ROBO2: variants seen among roughly 807,000 people sequenced by gnomAD.
ROBO2 encodes roundabout homolog 2.
In ROBO2, 53 loss-of-function variants were observed where a neutral mutation model predicts 160.8. The ratio of observed to expected loss-of-function variants is 0.33; its 90% CI spans 0.26 to 0.41. The LOEUF is 0.41. Ranked by LOEUF, ROBO2 falls within the 10% of genes least tolerant of loss-of-function variation. The pLI, the probability that ROBO2 is intolerant of heterozygous loss-of-function variation, is 1.00. For missense variants in ROBO2, 1,577 were observed against 1,722.4 expected (o/e 0.92, Z 1.49); for synonymous variants, 664 against 611.7 (o/e 1.09, Z -1.26).
At chr3:76,168,478 T>A (rs576815970) in intron 2 of ROBO2, among the ~76,000 whole-genome samples, 26 of 152,310 alleles carry the variant, frequency 1.7e-4, no homozygotes, top group Non-Finnish European at 3.1e-4. Flanking sequence ...TGGATTGTCA[T>A]TGTCAGTTCT....
rs114712349 is a variant in ROBO2 at position 76,692,461 on chromosome 3, A to T, written c.110-405553A>T. ...CTGTAAATCCCAAAGACAGGATATA[A>T]GCAATTCAGCTTCTAAAGAGCATGT... On this transcript the variant is annotated intron_variant, in intron 2 of 26. Coordinates refer to the ROBO2 transcript ENST00000487694. Among the ~76,000 whole-genome samples, 156 of 152,242 alleles carry T rather than the reference A, an allele frequency of 1.0e-3. 1 individual carries two copies. Among genetic ancestry groups the T allele is most frequent in the African/African-American group, 3.5e-3 (146 of 41,556 alleles).
At chr3:76,986,404 T>C (rs1423100601) in intron 2 of ROBO2, among the ~76,000 whole-genome samples, 2 of 152,098 alleles carry the variant, frequency 1.3e-5, no homozygotes, top group African/African-American at 2.4e-5. Flanking sequence ...CTATAAAACA[T>C]GAGTTTCACC....
At chr3:75,954,988 A>G (rs538484692) in intron 2 of ROBO2, among the ~76,000 whole-genome samples, 7 of 151,996 alleles carry the variant, frequency 4.6e-5, no homozygotes, top group Non-Finnish European at 8.8e-5. Context: ...TTAAAGAAGC[A>G]TAGAACAAGC....
At chr3:77,470,237 G>A (rs920152609) in intron 2 of ROBO2, among the ~76,000 whole-genome samples, 18 of 152,164 alleles carry the variant, frequency 1.2e-4, no homozygotes, top group Admixed American at 2.0e-4. Flanking sequence ...ATTAAAAAGT[G>A]TTAAAAAGGG....
chr3:76,572,689 C>T (rs1211856557), intron 2 of ROBO2, among the ~76,000 whole-genome samples: 3 of 152,180 alleles, frequency 2.0e-5, no homozygotes. Context: ...TATAGATTGA[C>T]ATCCTTCAGG....
intron 2 of ROBO2, among the ~76,000 whole-genome samples, chr3:76,461,368 C>T (rs2078078851): frequency 6.6e-6 from 1 of 152,170 alleles, no homozygotes; most frequent in African/African-American, 2.4e-5. Flanking sequence ...TACAATTCAA[C>T]ACGAGATTTG....
rs78869631 is a variant in ROBO2, at chr3:76,606,198, A to G, written c.110-491816A>G. Among the ~76,000 whole-genome samples the G allele has an allele frequency of 9.2e-3, 1,395 of 152,292 alleles. 21 individuals are homozygous for G. The highest frequency in any genetic ancestry group is 0.03 in the African/African-American group (1,226 of 41,556). Reference sequence around the variant, plus strand: ...GGCTTAGCACGAACTGCTTCTTTGCACTGTGTTACCTAATTTTGCCATAAA... The same window carrying G: ...GGCTTAGCACGAACTGCTTCTTTGCGCTGTGTTACCTAATTTTGCCATAAA... On this transcript the variant is annotated intron_variant, in intron 2 of 26. Transcript: ENST00000487694.
chr3:76,863,524 C>A (rs2071043499), intron 2 of ROBO2, among the ~76,000 whole-genome samples: 3 of 151,828 alleles, frequency 2.0e-5, no homozygotes, highest in Non-Finnish European at 4.4e-5. Flanking sequence ...CCTTCCTATT[C>A]TCATAGAACA....
At chr3:76,898,378 AT>A (rs2074971766) in intron 2 of ROBO2, among the ~76,000 whole-genome samples, 1 of 152,072 alleles carries the variant, frequency 6.6e-6, no homozygotes, top group African/African-American at 2.4e-5. Flanking sequence ...ATGAGTATTA[AT>A]TTACCTTTTT....
chr3:76,304,450 A>G (rs2071222094), intron 2 of ROBO2, among the ~76,000 whole-genome samples: 1 of 152,216 alleles, frequency 6.6e-6, no homozygotes, highest in Non-Finnish European at 1.5e-5. Context: ...TGTAATAGTG[A>G]ATTGATCTTT....
rs149824257 is a variant in ROBO2 at position 75,911,293 on chromosome 3, C to A, written c.-14+4333C>A. Among the ~76,000 whole-genome samples, 219 of 152,020 alleles carry A rather than the reference C, an allele frequency of 1.4e-3. 1 individual carries two copies. The highest frequency in any genetic ancestry group is 5.1e-3 in the African/African-American group (212 of 41,510). On this transcript the variant is annotated intron_variant, in intron 1 of 26. Coordinates refer to the ROBO2 transcript ENST00000487694. ...GTGATGTACACGATCTATTACAGAC[C>A]CATGATTAAAATGGTATCTTGTTAG...
chr3:76,097,591 A>C (rs1390901899), intron 2 of ROBO2, among the ~76,000 whole-genome samples: 1 of 152,216 alleles, frequency 6.6e-6, no homozygotes, highest in Non-Finnish European at 1.5e-5. Flanking sequence ...AAAATGTCAA[A>C]GAGTGGAGGT....
chr3:77,287,689 T>G (rs1449550986), intron 2 of ROBO2, among the ~76,000 whole-genome samples: 1 of 152,178 alleles, frequency 6.6e-6, no homozygotes, highest in Non-Finnish European at 1.5e-5. Context: ...TTCTGTTGCT[T>G]TCAGAATTCC....
chr3:76,395,537 GT>G (rs1435720626), intron 2 of ROBO2, among the ~76,000 whole-genome samples: 1 of 148,216 alleles, frequency 6.7e-6, no homozygotes, highest in East Asian at 1.9e-4. Flanking sequence ...CCAGGAGCTG[GT>G]TTTTTGAAAG....
chr3:76,487,640 G>T (rs971490329), intron 2 of ROBO2, among the ~76,000 whole-genome samples: 2 of 152,046 alleles, frequency 1.3e-5, no homozygotes, highest in African/African-American at 4.8e-5. Context: ...GTTTACTTAG[G>T]TTCTCTGTTT....
intron 2 of ROBO2, among the ~76,000 whole-genome samples, chr3:76,182,598 C>T (rs772590764): frequency 3.3e-5 from 5 of 152,060 alleles, no homozygotes; most frequent in South Asian, 2.1e-4. Context: ...TACAAGTTGA[C>T]GGCTCCATAT....
intron 2 of ROBO2, among the ~76,000 whole-genome samples, chr3:76,797,120 T>A (rs1223102227): frequency 6.6e-6 from 1 of 152,084 alleles, no homozygotes; most frequent in African/African-American, 2.4e-5. Flanking sequence ...GTACGGAACA[T>A]TTCATCCAAT....
chr3:77,479,881 C>T (rs2084476031), intron 3 of ROBO2, among the ~76,000 whole-genome samples: 1 of 152,116 alleles, frequency 6.6e-6, no homozygotes, highest in African/African-American at 2.4e-5. Flanking sequence ...AGTCGGTTCC[C>T]ATGTTGGTCT....
At position 76,224,694 on chromosome 3, in the gene ROBO2, A is replaced by G. The variant is rs866656352; in HGVS notation, c.109+287092A>G. On this transcript the variant is annotated intron_variant, in intron 2 of 26. Coordinates refer to the ROBO2 transcript ENST00000487694. The stretch of plus-strand genomic sequence containing the variant: ...CTAATTCATAATTTTCTAATGGCTA[A>G]ATTCTATTTAACCTTGAATCCTGAG... Among the ~76,000 whole-genome samples the G allele has an allele frequency of 2.6e-5, 4 of 152,234 alleles. No individual in the cohort carries two copies. The Middle Eastern group carries it at 0.01, about 388-fold the overall frequency.
Sources: allele counts gnomAD v4.1 joint callset (sites outside exome capture counted in the v4.1 genomes callset), GRCh38; gene constraint gnomAD v4.1.1; transcripts MANE v1.5; gene names NCBI Gene and HGNC (gene_info 2026-07-23, HGNC 2026-07-21).